Variants in ZBTB7C observed in about 807,000 individuals in gnomAD.
ZBTB7C encodes zinc finger and BTB domain containing 7C, also known as zinc finger and BTB domain-containing protein 7C.
ZBTB7C carries 8 observed loss-of-function variants against 25.7 expected under a neutral mutation model. The observed-to-expected ratio is 0.31, with a 90% CI of 0.18 to 0.56. ZBTB7C has a LOEUF of 0.56. Ranked by LOEUF, ZBTB7C falls within the 20% of genes least tolerant of loss-of-function variation. The probability of loss-of-function intolerance (pLI) is 0.91; values close to 1 mark genes in which losing one functional copy is unlikely to be tolerated. For synonymous variants in ZBTB7C, 394 were observed against 369.0 expected, an observed-to-expected ratio of 1.07 and a Z score of -0.78; for missense variants, 824 against 855.2, an observed-to-expected ratio of 0.96 and a Z score of 0.46.
At chr18:48,189,019 G>A (rs749027614) in intron 2 of ZBTB7C, among the ~76,000 whole-genome samples, 17 of 152,176 alleles carry the variant, frequency 1.1e-4, no homozygotes, top group Admixed American at 2.6e-4. Flanking sequence ...TCCCTGAAAG[G>A]AACCCTGAGC....
At chr18:48,373,853 C>CG (rs1274493436) in intron 1 of ZBTB7C, among the ~76,000 whole-genome samples, 3 of 151,786 alleles carry the variant, frequency 2.0e-5, no homozygotes, top group Non-Finnish European at 4.4e-5. Flanking sequence ...CCCAGCTACT[C>CG]GGGGGGCTAA....
chr18:48,312,713 CAGTGCGGGT>C lies in ZBTB7C; in HGVS notation c.-79+25452_-79+25460del, dbSNP rs572137973. On this transcript the variant is annotated intron_variant, in intron 2 of 4. Transcript: ENST00000590800. ...CACACAGTAGGTACTCCATAGGAGT[CAGTGCGGGT>C]CATGTCACATGCTGTGTCCCTAGAA... 3.2e-4 allele frequency among the ~76,000 whole-genome samples: 49 copies of C among 152,322 alleles called. 1 individual carries two copies. The South Asian group carries it at 9.3e-3, about 29-fold the overall frequency.
intron 3 of ZBTB7C, among the ~76,000 whole-genome samples, chr18:48,046,200 C>T (rs944323531): frequency 1.3e-5 from 2 of 152,198 alleles, no homozygotes; most frequent in African/African-American, 2.4e-5. Flanking sequence ...GATAATAATC[C>T]AGTGACATCA....
chr18:48,309,001 C>T (rs1253867314), intron 2 of ZBTB7C, among the ~76,000 whole-genome samples: 1 of 152,190 alleles, frequency 6.6e-6, no homozygotes, highest in East Asian at 1.9e-4. Flanking sequence ...TGAGGTCTAC[C>T]TGAAGATTCT....
intron 1 of ZBTB7C, among the ~76,000 whole-genome samples, 199 bp downstream of exon 1, chr18:48,409,027 C>G (rs1312138892): frequency 1.3e-5 from 2 of 151,332 alleles, no homozygotes; most frequent in East Asian, 3.9e-4. Context: ...CGGAGGGCGC[C>G]CCTGCTCCAG....
At chr18:48,308,291 G>A (rs2045726595) in intron 2 of ZBTB7C, among the ~76,000 whole-genome samples, 1 of 152,194 alleles carries the variant, frequency 6.6e-6, no homozygotes, top group Non-Finnish European at 1.5e-5. Context: ...TTGGAGTTAG[G>A]CCAGCTCCTT....
At chr18:48,397,894 C>A (rs1010815352) in intron 1 of ZBTB7C, among the ~76,000 whole-genome samples, 6 of 152,254 alleles carry the variant, frequency 3.9e-5, no homozygotes, top group Non-Finnish European at 7.3e-5. Flanking sequence ...CCATCAGAAT[C>A]CTAATGCACC....
intron 3 of ZBTB7C, among the ~76,000 whole-genome samples, chr18:48,050,324 G>A (rs2036633368): frequency 6.6e-6 from 1 of 152,158 alleles, no homozygotes; most frequent in East Asian, 1.9e-4. Flanking sequence ...GGCTGCCCCA[G>A]AGGCTGGAAC....
At position 48,073,397 on chromosome 18, in the gene ZBTB7C, C is replaced by G. The variant is rs866546026; in HGVS notation, c.-16-32274G>C. 9.9e-5 allele frequency among the ~76,000 whole-genome samples: 15 copies of G among 152,234 alleles called. 1 individual carries two copies. Among genetic ancestry groups the G allele is most frequent in the South Asian group, 6.2e-4 (3 of 4,818 alleles). On this transcript the variant is annotated intron_variant, in intron 3 of 4. Transcript: ENST00000590800. ...AGAGCCGCTGCCACCAGGCGCCCAG[C>G]CTGAGTCACCCTGGCGGGGAGGGCG...
At chr18:48,281,927 GAAATAGCA>G (rs1224480547) in intron 2 of ZBTB7C, among the ~76,000 whole-genome samples, 1 of 141,454 alleles carries the variant, frequency 7.1e-6, no homozygotes, top group Non-Finnish European at 1.5e-5. Flanking sequence ...TCTAGAACTA[GAAATAGCA>G]TTTGACCCAG....
intron 3 of ZBTB7C, among the ~76,000 whole-genome samples, chr18:48,085,357 C>T (rs2038154940): frequency 6.6e-6 from 1 of 152,152 alleles, no homozygotes; most frequent in African/African-American, 2.4e-5. Flanking sequence ...ATTACCTCTC[C>T]CCCAGGAGAA....
At chr18:48,252,757 C>G (rs1259574508) in intron 2 of ZBTB7C, 2 of 152,316 alleles carry the variant, frequency 1.3e-5, no homozygotes, top group East Asian at 3.8e-4. Context: ...CCCCTCCCAC[C>G]AAGCCAACCT....
chr18:48,408,144 C>G (rs546990161), intron 1 of ZBTB7C, among the ~76,000 whole-genome samples: 8 of 152,386 alleles, frequency 5.2e-5, no homozygotes, highest in Middle Eastern at 3.4e-3. Flanking sequence ...CGCCACCCAC[C>G]CCCAGCTCCC....
chr18:48,227,019 CAAAAAA>C (rs1187830776), intron 2 of ZBTB7C, among the ~76,000 whole-genome samples: 3 of 56,122 alleles, frequency 5.3e-5, no homozygotes, highest in East Asian at 6.5e-4. Flanking sequence ...GACTCCATCT[CAAAAAA>C]AAAAAAAAAA....
intron 2 of ZBTB7C, among the ~76,000 whole-genome samples, chr18:48,213,265 A>G (rs1222042482): frequency 6.6e-6 from 1 of 152,124 alleles, no homozygotes; most frequent in East Asian, 1.9e-4. Context: ...TTTGTTTTTG[A>G]CTACACAGGT....
chr18:48,319,645 G>A (rs2046042544), intron 2 of ZBTB7C, among the ~76,000 whole-genome samples: 1 of 152,128 alleles, frequency 6.6e-6, no homozygotes, highest in Non-Finnish European at 1.5e-5. Flanking sequence ...ATAATAAAAT[G>A]TATATTTTTA....
intron 2 of ZBTB7C, among the ~76,000 whole-genome samples, chr18:48,306,731 G>C (rs890025704): frequency 6.6e-6 from 1 of 152,042 alleles, no homozygotes; most frequent in Non-Finnish European, 1.5e-5. Flanking sequence ...CCAGGTATGG[G>C]GTCAGAGCCC....
At position 48,065,554 on chromosome 18, in the gene ZBTB7C, G is replaced by A. The variant is rs139641438; in HGVS notation, c.-16-24431C>T. Reference sequence around the variant, plus strand: ...AACTTTTTCAGTCATGGAATTTGCAGAGAAACACTATTTTTATGGCACAAA... The same window carrying A: ...AACTTTTTCAGTCATGGAATTTGCAAAGAAACACTATTTTTATGGCACAAA... On this transcript the variant is annotated intron_variant, in intron 3 of 4. Coordinates refer to ENST00000590800, the MANE Select transcript of ZBTB7C (RefSeq NM_001318841.2). Among the ~76,000 whole-genome samples, 1,118 of 152,320 alleles carry A rather than the reference G, an allele frequency of 7.3e-3. 10 individuals are homozygous for A. Among genetic ancestry groups the A allele is most frequent in the African/African-American group, 0.023 (968 of 41,554 alleles).
intron 3 of ZBTB7C, among the ~76,000 whole-genome samples, chr18:48,044,156 C>G (rs1201391177): frequency 1.3e-5 from 2 of 152,212 alleles, no homozygotes; most frequent in Non-Finnish European, 2.9e-5. Context: ...CAAACCATTC[C>G]ACTTCTGCAT....
Sources: allele counts gnomAD v4.1 joint callset (sites outside exome capture counted in the v4.1 genomes callset), GRCh38; gene constraint gnomAD v4.1.1; transcripts MANE v1.5; gene names NCBI Gene and HGNC (gene_info 2026-07-23, HGNC 2026-07-21).